Variants in MID1 observed in about 807,000 individuals in gnomAD.
MID1 encodes the protein midline 1, also known as E3 ubiquitin-protein ligase Midline-1.
MID1 carries 7 observed loss-of-function variants against 40.4 expected under a neutral mutation model. That is an observed-to-expected ratio of 0.17 (90% confidence interval 0.10 to 0.33). The LOEUF (loss-of-function observed/expected upper bound fraction) is 0.33, where lower values mean the gene tolerates loss of function less well. Among genes scored for constraint, MID1 ranks in the 10% least tolerant of loss-of-function variants. The pLI, the probability that MID1 is intolerant of heterozygous loss-of-function variation, is 1.00. For synonymous variants in MID1, 229 were observed against 221.2 expected, an observed-to-expected ratio of 1.04 and a Z score of -0.31; for missense variants, 367 against 558.5, an observed-to-expected ratio of 0.66 and a Z score of 3.46.
chrX:10,824,229 G>A (rs1047662031), intron 1 of MID1, among the ~76,000 whole-genome samples: 1 of 111,870 alleles, frequency 8.9e-6, no homozygotes, highest in Non-Finnish European at 1.9e-5. Flanking sequence ...AAGGCTTGAT[G>A]GTGTGCAAAG....
intron 3 of MID1, among the ~76,000 whole-genome samples, chrX:10,513,663 C>T (rs981249201): frequency 4.5e-5 from 5 of 111,408 alleles, no homozygotes; most frequent in Non-Finnish European, 9.4e-5. Flanking sequence ...CGCCTGCCAC[C>T]ATACCCAGCT....
chrX:10,613,489 A>C (rs1012609665), intron 1 of MID1, among the ~76,000 whole-genome samples: 1 of 107,454 alleles, frequency 9.3e-6, no homozygotes, highest in Non-Finnish European at 1.9e-5. Context: ...CTGCAAAATT[A>C]AACAACTGCA....
chrX:10,716,617 T>G (rs2043305376), intron 1 of MID1, among the ~76,000 whole-genome samples: 1 of 111,644 alleles, frequency 9.0e-6, no homozygotes, highest in Non-Finnish European at 1.9e-5. Context: ...TGGAAAACAC[T>G]CTGCAGGATA....
chrX:10,808,222 T>A (rs150411916), intron 1 of MID1, among the ~76,000 whole-genome samples: 1 of 111,837 alleles, frequency 8.9e-6, no homozygotes, highest in Non-Finnish European at 1.9e-5. Flanking sequence ...CCTTGTCTGA[T>A]AGACTTCTCT....
intron 1 of MID1, among the ~76,000 whole-genome samples, chrX:10,803,015 G>A (rs1477098285): frequency 9.1e-6 from 1 of 110,476 alleles, no homozygotes; most frequent in Middle Eastern, 4.7e-3. Context: ...TAGACACCGG[G>A]TACTATTATA....
At chrX:10,598,800 G>A (rs1935462022) in intron 1 of MID1, among the ~76,000 whole-genome samples, 1 of 111,733 alleles carries the variant, frequency 8.9e-6, no homozygotes, top group African/African-American at 3.3e-5. Context: ...TAAGAGCTTC[G>A]TCTGGCCAAC....
intron 4 of MID1, among the ~76,000 whole-genome samples, chrX:10,490,309 A>G (rs1930870326): frequency 1.8e-5 from 2 of 112,107 alleles, no homozygotes; most frequent in Admixed American, 1.9e-4. Flanking sequence ...GCTGTTTTAA[A>G]TGGAATTTCT....
chrX:10,612,197 T>C (rs769443268), intron 1 of MID1, among the ~76,000 whole-genome samples: 49 of 112,129 alleles, frequency 4.4e-4, no homozygotes, highest in Non-Finnish European at 7.1e-4. Flanking sequence ...ATCATGTTTT[T>C]ATCTACTCAG....
At chrX:10,679,472 C>G (rs2043044855) in intron 1 of MID1, among the ~76,000 whole-genome samples, 1 of 111,821 alleles carries the variant, frequency 8.9e-6, no homozygotes, top group African/African-American at 3.2e-5. Context: ...GGTCTGAGGG[C>G]CAAATCGATC....
intron 1 of MID1, among the ~76,000 whole-genome samples, chrX:10,733,108 C>T (rs1215206132): frequency 9.1e-6 from 1 of 110,387 alleles, no homozygotes; most frequent in African/African-American, 3.3e-5. Flanking sequence ...ATGATCTGCC[C>T]GCCTCAGCCT....
intron 1 of MID1, among the ~76,000 whole-genome samples, chrX:10,659,180 T>A (rs1007342967): frequency 8.9e-6 from 1 of 111,878 alleles, no homozygotes; most frequent in African/African-American, 3.2e-5. Flanking sequence ...CACTGGTGAG[T>A]CCAGTTTGAT....
At chrX:10,795,869 C>T (rs1004350108) in intron 1 of MID1, among the ~76,000 whole-genome samples, 17 of 112,218 alleles carry the variant, frequency 1.5e-4, no homozygotes, top group Middle Eastern at 4.6e-3. Flanking sequence ...AAAATGTGTT[C>T]CAACTGCCTC....
rs147478190 is a variant in MID1, at chrX:10,832,446, T to A, written c.-187+1108A>T. Among the ~76,000 whole-genome samples, 884 of 112,422 alleles carry A rather than the reference T, an allele frequency of 7.9e-3. 8 individuals are homozygous for A. The highest frequency in any genetic ancestry group is 0.027 in the African/African-American group (827 of 30,926). ...AACTTAAGCAATTAATTTCATAATA[T>A]CAGAAATCTGAAATTGAGTCTTTGT... On this transcript the variant is annotated intron_variant, in intron 1 of 10. Coordinates refer to the MID1 transcript ENST00000380785.
intron 1 of MID1, among the ~76,000 whole-genome samples, chrX:10,689,091 T>G (rs1487285897): frequency 1.8e-5 from 2 of 110,578 alleles, no homozygotes; most frequent in Admixed American, 9.8e-5. Flanking sequence ...CACTGAATTC[T>G]GATTAGATTA....
intron 1 of MID1, among the ~76,000 whole-genome samples, chrX:10,711,244 A>G (rs2043265886): frequency 8.9e-6 from 1 of 112,216 alleles, no homozygotes; most frequent in South Asian, 3.7e-4. Context: ...CAGTCAATTA[A>G]TGAAGGTTTT....
At chrX:10,587,106 A>G (rs1021821231) in intron 1 of MID1, among the ~76,000 whole-genome samples, 2 of 112,712 alleles carry the variant, frequency 1.8e-5, no homozygotes, top group Non-Finnish European at 3.7e-5. Context: ...CTAAATGGAC[A>G]TGAGAGTTGA....
intron 2 of MID1, among the ~76,000 whole-genome samples, chrX:10,530,908 A>G (rs1932947174): frequency 8.9e-6 from 1 of 112,342 alleles, no homozygotes; most frequent in African/African-American, 3.2e-5. Flanking sequence ...ATTAAAATGT[A>G]TGCTTGAAAC....
chrX:10,786,863 T>C (rs1472061868), intron 1 of MID1, among the ~76,000 whole-genome samples: 1 of 107,909 alleles, frequency 9.3e-6, no homozygotes, highest in Non-Finnish European at 1.9e-5. Context: ...ATATACCTAA[T>C]GTTAAATGAC....
chrX:10,797,228 C>A (rs769155817), intron 1 of MID1, among the ~76,000 whole-genome samples: 3 of 111,260 alleles, frequency 2.7e-5, no homozygotes, highest in African/African-American at 6.5e-5. Flanking sequence ...AGTTCAAAAG[C>A]TAATTATTTA....
Sources: gnomAD v4.1 joint callset for allele counts (sites outside exome capture counted in the v4.1 genomes callset) on GRCh38, gnomAD v4.1.1 for gene constraint, MANE v1.5 for transcripts, NCBI Gene and HGNC (gene_info 2026-07-23, HGNC 2026-07-21) for gene names.